Variants in SASH1 observed in about 807,000 individuals in gnomAD.
The protein encoded by SASH1 is SAM and SH3 domain-containing protein 1.
In SASH1, 44 loss-of-function variants were observed where a neutral mutation model predicts 125.2. The observed-to-expected ratio is 0.35, with a 90% CI of 0.28 to 0.45. The LOEUF is 0.45. Ranked by LOEUF, SASH1 falls within the 20% of genes least tolerant of loss-of-function variation. The probability of loss-of-function intolerance (pLI) is 1.00; values close to 1 mark genes in which losing one functional copy is unlikely to be tolerated. For synonymous variants in SASH1, 639 were observed against 649.1 expected (o/e 0.98, Z 0.24); for missense variants, 1,426 against 1,614.5 (o/e 0.88, Z 2.00).
At position 148,536,213 on chromosome 6, in the gene SASH1, C is replaced by T. The variant is rs191636933; in HGVS notation, c.2095+1312C>T. ...GAGCCTGCACGGTAACTGGTGTAGCCTACCAGCTCAATTAGTATGAATCAG... is the reference window on the plus strand; with the variant it reads ...GAGCCTGCACGGTAACTGGTGTAGCTTACCAGCTCAATTAGTATGAATCAG... On this transcript the variant is annotated intron_variant, in intron 16 of 19. Coordinates refer to ENST00000367467, the MANE Select transcript of SASH1 (RefSeq NM_015278.5). 1.4e-4 allele frequency among the ~76,000 whole-genome samples: 21 copies of T among 152,312 alleles called. No individual in the cohort carries two copies. In the East Asian group the frequency reaches 3.7e-3, roughly 27 times the overall value.
intron 1 of SASH1, among the ~76,000 whole-genome samples, chr6:148,373,790 G>A (rs1782786199): frequency 1.3e-5 from 2 of 152,176 alleles, no homozygotes; most frequent in African/African-American, 4.8e-5. Flanking sequence ...GGCCAACATG[G>A]TGAAACCCCA....
chr6:148,222,556 C>G, the SASH1 span, among the ~76,000 whole-genome samples: 1 of 152,056 alleles, frequency 6.6e-6, no homozygotes, highest in Non-Finnish European at 1.5e-5. Context: ...CCTCTGACTT[C>G]CAGAAAGATT....
intron 9 of SASH1, among the ~76,000 whole-genome samples, chr6:148,517,726 A>T (rs142683187): frequency 7.9e-5 from 12 of 152,362 alleles, no homozygotes; most frequent in African/African-American, 2.9e-4. Context: ...CGTCATGGAC[A>T]TGCGTGCACC....
Position 148,425,698 on chromosome 6 carries a change from C to T in SASH1, c.286-14486C>T, listed in dbSNP as rs1583138380. On this transcript the variant is annotated intron_variant, in intron 2 of 19. Transcript: ENST00000367467. ...TTCTCTTTCCCCTCCCCTCCCCTCCCCTTCTCCCCTCCCATCCCCCTCTCC... is the reference window on the plus strand; with the variant it reads ...TTCTCTTTCCCCTCCCCTCCCCTCCTCTTCTCCCCTCCCATCCCCCTCTCC... 2.3e-5 allele frequency among the ~76,000 whole-genome samples: 3 copies of T among 129,712 alleles called. 1 individual carries two copies. Among genetic ancestry groups the T allele is most frequent in the African/African-American group, 8.6e-5 (3 of 35,072 alleles). The allele number at this position is 129,712 out of a possible 152,430, so 85.1% of individuals were successfully genotyped here. A position where few individuals can be genotyped will look rare whatever the true frequency, so the allele number is the denominator to read the frequency against.
At chr6:148,276,080 G>A (rs984704879) in intron 1 of SASH1, among the ~76,000 whole-genome samples, 83 of 152,204 alleles carry the variant, frequency 5.5e-4, no homozygotes, top group African/African-American at 1.9e-3. Context: ...GGAGCTTAGA[G>A]TTAGAGAGTA....
At chr6:148,487,088 T>C (rs1357132221) in intron 7 of SASH1, among the ~76,000 whole-genome samples, 17 of 101,720 alleles carry the variant, frequency 1.7e-4, no homozygotes, top group Non-Finnish European at 2.3e-4. Context: ...ATAACACATA[T>C]ATATACACAC....
intron 6 of SASH1, 103 bp downstream of exon 6, chr6:148,471,606 C>T (rs561476827): frequency 2.4e-5 from 17 of 709,052 alleles, no homozygotes; most frequent in South Asian, 5.1e-5. Flanking sequence ...CGTAACTCAC[C>T]GCATGTGCCC....
chr6:148,231,403 G>A, the SASH1 span, among the ~76,000 whole-genome samples: 2 of 152,174 alleles, frequency 1.3e-5, no homozygotes, highest in Non-Finnish European at 2.9e-5. Context: ...TTGGAATTGG[G>A]AAGTGTGACT....
the SASH1 span, among the ~76,000 whole-genome samples, chr6:148,227,139 G>A: frequency 2.0e-5 from 3 of 152,154 alleles, no homozygotes; most frequent in Non-Finnish European, 4.4e-5. Flanking sequence ...AGGCACCCTA[G>A]CCTTTAAAAT....
At chr6:148,382,253 C>T (rs955219061) in intron 1 of SASH1, among the ~76,000 whole-genome samples, 5 of 152,144 alleles carry the variant, frequency 3.3e-5, no homozygotes, top group South Asian at 2.1e-4. Context: ...CTCCAGAGCC[C>T]GCCAGATCTC....
intron 1 of SASH1, among the ~76,000 whole-genome samples, chr6:148,356,479 G>C (rs931548211): frequency 1.5e-5 from 2 of 129,922 alleles, no homozygotes; most frequent in Non-Finnish European, 3.2e-5. Flanking sequence ...TCAAATGGTA[G>C]ATCTACTTTT....
chr6:148,195,570 C>T, the SASH1 span, among the ~76,000 whole-genome samples: 1 of 152,216 alleles, frequency 6.6e-6, no homozygotes, highest in Non-Finnish European at 1.5e-5. Context: ...AAATTCTCCC[C>T]TCATTTTGAA....
the SASH1 span, among the ~76,000 whole-genome samples, chr6:148,197,241 T>A: frequency 6.6e-6 from 1 of 152,132 alleles, no homozygotes. Context: ...CAGACCAGTG[T>A]GGTACAAGTG....
intron 1 of SASH1, among the ~76,000 whole-genome samples, chr6:148,329,372 A>G (rs956545705): frequency 5.9e-5 from 9 of 152,224 alleles, no homozygotes; most frequent in Admixed American, 3.3e-4. Context: ...AGCACTAGCC[A>G]TAGGAGCAGA....
rs114172891 is a variant in SASH1 at position 148,491,903 on chromosome 6, A to G, written c.729+4188A>G. On this transcript the variant is annotated intron_variant, in intron 8 of 19. Coordinates refer to ENST00000367467, the MANE Select transcript of SASH1 (RefSeq NM_015278.5). ...AAAAGAGCCGTGTCCATGGTTATCA[A>G]TGTGCCTTTTTGGGTCTCTAATCCT... Among the ~76,000 whole-genome samples the G allele has an allele frequency of 9.7e-3, 1,479 of 152,296 alleles. 28 individuals carry two copies. The highest frequency in any genetic ancestry group is 0.034 in the African/African-American group (1,419 of 41,570).
chr6:148,239,047 TG>T, the SASH1 span, among the ~76,000 whole-genome samples: 1 of 152,298 alleles, frequency 6.6e-6, no homozygotes, highest in Admixed American at 6.5e-5. Context: ...CCATGCCAGA[TG>T]GTTAGCTCAA....
At chr6:148,240,496 C>T in the SASH1 span, among the ~76,000 whole-genome samples, 5 of 152,342 alleles carry the variant, frequency 3.3e-5, no homozygotes, top group South Asian at 8.3e-4. Flanking sequence ...TATTTTCCCC[C>T]TACAGTTATA....
At chr6:148,272,302 C>G (rs1349743197), upstream of SASH1, 3 of 468,342 alleles carry the variant, frequency 6.4e-6, no homozygotes, top group South Asian at 4.7e-5. Context: ...TTCATGCGAT[C>G]TGAGTCAGAG....
chr6:148,325,974 C>A (rs2114585988), intron 1 of SASH1, among the ~76,000 whole-genome samples: 1 of 151,718 alleles, frequency 6.6e-6, no homozygotes, highest in East Asian at 1.9e-4. Context: ...AATGAACCTA[C>A]ATGAGGCAGG....
Sources: gnomAD v4.1 joint callset for allele counts (sites outside exome capture counted in the v4.1 genomes callset) on GRCh38, gnomAD v4.1.1 for gene constraint, MANE v1.5 for transcripts, NCBI Gene and HGNC (gene_info 2026-07-23, HGNC 2026-07-21) for gene names.